PRMT7: variants seen among roughly 807,000 people sequenced by gnomAD.
PRMT7 encodes protein arginine methyltransferase 7, also known as protein arginine N-methyltransferase 7.
PRMT7 carries 75 observed loss-of-function variants against 85.4 expected under a neutral mutation model. The observed-to-expected ratio is 0.88, with a 90% CI of 0.73 to 1.06. The LOEUF is 1.06. Ranked by LOEUF, PRMT7 falls within the 50% of genes least tolerant of loss-of-function variation. The pLI is 0.00. For missense variants in PRMT7, 868 were observed against 915.2 expected, an observed-to-expected ratio of 0.95 and a Z score of 0.67; for synonymous variants, 397 against 359.5, an observed-to-expected ratio of 1.10 and a Z score of -1.18.
chr16:68,328,780 T>A (rs1035915074), intron 5 of PRMT7, among the ~76,000 whole-genome samples: 2 of 152,118 alleles, frequency 1.3e-5, no homozygotes. Context: ...TTCCTGGCTT[T>A]TTGGCGTCCT....
Position 68,315,999 on chromosome 16 carries a change from G to A in PRMT7, c.20G>A (p.Arg7Gln), listed in dbSNP as rs566483423. Residue 7 changes from arginine to glutamine, a missense_variant, in exon 3 of 19, where the codon CGG (arginine) becomes CAG (glutamine). By Grantham distance (43) the Arg-to-Gln change is conservative. Coordinates refer to ENST00000441236, the MANE Select transcript of PRMT7 (RefSeq NM_019023.5). Reference protein sequence around the residue: MKIFCSRANPTTGSVEW... With the variant: MKIFCSQANPTTGSVEW... ...GGCACCATGAAGATCTTCTGCAGTC[G>A]GGCCAATCCGACCACGGGGTCTGTG... 2.7e-5 allele frequency: 44 copies of A among 1,613,644 alleles called. No individual in the cohort carries two copies. The South Asian group carries it at 3.4e-4, about 13-fold the overall frequency.
chr16:68,318,912 G>C (rs1404986971), intron 3 of PRMT7: 2 of 152,358 alleles, frequency 1.3e-5, no homozygotes, highest in Admixed American at 6.5e-5. Flanking sequence ...ACTGAGAGCG[G>C]TGTGGAGAGG....
At chr16:68,345,244 A>G (rs1399180226) in intron 9 of PRMT7, among the ~76,000 whole-genome samples, 1 of 152,218 alleles carries the variant, frequency 6.6e-6, no homozygotes, top group Non-Finnish European at 1.5e-5. Flanking sequence ...GTAAATTCCG[A>G]GTACGTTAAA....
At chr16:68,328,511 CA>C (rs55740206) in intron 5 of PRMT7, 5,031 of 55,216 alleles carry the variant, frequency 0.091, 245 homozygotes, top group African/African-American at 0.25. Context: ...GTATGTATAG[CA>C]AAAAAAAAAA....
intron 17 of PRMT7, 60 bp downstream of exon 17, chr16:68,355,943 C>G: frequency 6.9e-7 from 1 of 1,458,956 alleles, no homozygotes. Context: ...GGAGTTCTCA[C>G]CCCCGTGGTG....
chr16:68,321,277 A>G (rs1055811304), intron 3 of PRMT7, 149 bp from the exon 4 acceptor site: 1 of 591,800 alleles, frequency 1.7e-6, no homozygotes, highest in Admixed American at 3.5e-5. Context: ...TCAAAAAAAA[A>G]AAAATAAATA....
At chr16:68,331,200 G>A (rs2083841027) in intron 6 of PRMT7, among the ~76,000 whole-genome samples, 1 of 152,066 alleles carries the variant, frequency 6.6e-6, no homozygotes, top group South Asian at 2.1e-4. Flanking sequence ...AATCAAAGAA[G>A]TGTGGACTCT....
At chr16:68,316,137 T>C (rs2151346117) in intron 3 of PRMT7, 63 bp downstream of exon 3, 1 of 1,405,214 alleles carries the variant, frequency 7.1e-7, no homozygotes, top group Non-Finnish European at 1.0e-6. Context: ...AGCAGATGCC[T>C]TGGGCTCCAG....
intron 4 of PRMT7, 156 bp downstream of exon 4, chr16:68,321,618 C>A (rs1006769422): frequency 4.8e-6 from 3 of 626,830 alleles, no homozygotes; most frequent in Non-Finnish European, 8.2e-6. Context: ...GGTCCTACTT[C>A]TGGCTCTATT....
At position 68,339,791 on chromosome 16, in the gene PRMT7, A is replaced by G; in HGVS notation, c.750A>G (p.Ile250Met). ...VLSDVLPMFS[I>M]DFSKQVSSSA... ...ATTCTTGAATATTATTCCTCAGCAT[A>G]GACTTCAGCAAGCAAGTCAGTAGCT... Residue 250 changes from isoleucine (I) to methionine (M), a missense_variant, in exon 9 of 19, where the codon ATA becomes ATG. Coordinates refer to ENST00000441236, the MANE Select transcript of PRMT7 (RefSeq NM_019023.5). 6.2e-7 allele frequency: 1 copy of G among 1,613,186 alleles called. No individual in the cohort carries two copies.
At chr16:68,316,294 C>T (rs981694680) in intron 3 of PRMT7, among the ~76,000 whole-genome samples, 1 of 152,164 alleles carries the variant, frequency 6.6e-6, no homozygotes, top group African/African-American at 2.4e-5. Context: ...GCAGCCTTAG[C>T]AGAGCCTCAG....
At chr16:68,345,270 G>C (rs891173792) in intron 9 of PRMT7, among the ~76,000 whole-genome samples, 1 of 152,182 alleles carries the variant, frequency 6.6e-6, no homozygotes, top group Non-Finnish European at 1.5e-5. Context: ...TGGAATGCGT[G>C]CCATGGACTG....
At chr16:68,331,663 G>A (rs893624253) in intron 6 of PRMT7, among the ~76,000 whole-genome samples, 6 of 151,706 alleles carry the variant, frequency 4.0e-5, no homozygotes, top group African/African-American at 1.5e-4. Flanking sequence ...TTGTAGAGAT[G>A]GGATCTCAGT....
chr16:68,356,940 A>T (rs2088661005), intron 18 of PRMT7, 114 bp from the exon 19 acceptor site: 3 of 1,391,644 alleles, frequency 2.2e-6, no homozygotes, highest in Non-Finnish European at 2.9e-6. Context: ...GTCCTGGGCC[A>T]TCTGGCCCCT....
At chr16:68,328,400 GTCTT>G (rs1256598630) in intron 5 of PRMT7, 2 of 151,218 alleles carry the variant, frequency 1.3e-5, no homozygotes, top group Non-Finnish European at 2.9e-5. Context: ...TATAAAGTGT[GTCTT>G]TCTGAGAAGC....
At chr16:68,329,876 T>TAC (rs6145876) in intron 6 of PRMT7, among the ~76,000 whole-genome samples, 7,637 of 148,762 alleles carry the variant, frequency 0.051, 258 homozygotes, top group East Asian at 0.1. Flanking sequence ...TATGTATATG[T>TAC]ACACACACAC....
intron 4 of PRMT7, among the ~76,000 whole-genome samples, chr16:68,323,466 C>T (rs1018985157): frequency 5.3e-5 from 8 of 152,046 alleles, no homozygotes; most frequent in Non-Finnish European, 1.0e-4. Flanking sequence ...GTGATCCACC[C>T]GCCTCAGCCT....
intron 9 of PRMT7, among the ~76,000 whole-genome samples, chr16:68,345,365 AAG>A (rs369482160): frequency 6.6e-6 from 1 of 152,186 alleles, no homozygotes; most frequent in African/African-American, 2.4e-5. Flanking sequence ...CTACGTGTTG[AAG>A]AGAGAGCTTT....
At chr16:68,333,421 C>T (rs1227746800) in intron 6 of PRMT7, among the ~76,000 whole-genome samples, 2 of 149,806 alleles carry the variant, frequency 1.3e-5, no homozygotes, top group South Asian at 4.2e-4. Flanking sequence ...GCAAAGGTTG[C>T]GGTGAGCCGA....
Sources: allele counts gnomAD v4.1 joint callset (sites outside exome capture counted in the v4.1 genomes callset), GRCh38; gene constraint gnomAD v4.1.1; transcripts MANE v1.5; gene names NCBI Gene and HGNC (gene_info 2026-07-23, HGNC 2026-07-21).